Variants in RANBP17 observed in about 807,000 individuals in gnomAD.
RANBP17 encodes ran-binding protein 17.
Under a neutral mutation model 141.2 loss-of-function variants are expected in RANBP17, and 158 were observed. The ratio of observed to expected loss-of-function variants is 1.12; its 90% CI spans 0.98 to 1.28. RANBP17 has a LOEUF of 1.28. RANBP17 is among the 50% of genes most tolerant of loss of function. RANBP17 has a pLI of 0.00. For missense variants in RANBP17, 1,438 were observed against 1,290.7 expected, an observed-to-expected ratio of 1.11 and a Z score of -1.75; for synonymous variants, 430 against 450.0, an observed-to-expected ratio of 0.96 and a Z score of 0.56.
Position 171,015,437 on chromosome 5 carries a change from A to G in RANBP17, c.1710+47060A>G, listed in dbSNP as rs975606984. Among the ~76,000 whole-genome samples the G allele has an allele frequency of 7.2e-5, 11 of 152,124 alleles. No individual in the cohort carries two copies. The East Asian group carries it at 1.9e-3, about 27-fold the overall frequency. On this transcript the variant is annotated intron_variant, in intron 14 of 27. Transcript: ENST00000523189. ...ATCTCTTATTAATCATATCCAGTCT[A>G]TTTTTTAAAATCTCAGACATTGTGT...
chr5:171,156,790 C>CT (rs1041734732), intron 14 of RANBP17, among the ~76,000 whole-genome samples: 5 of 152,044 alleles, frequency 3.3e-5, no homozygotes, highest in African/African-American at 7.2e-5. Flanking sequence ...GAAAAAAAGT[C>CT]TTTTTTTAAA....
chr5:171,221,245 G>A (rs1367075456), intron 21 of RANBP17, among the ~76,000 whole-genome samples: 1 of 152,194 alleles, frequency 6.6e-6, no homozygotes, highest in Non-Finnish European at 1.5e-5. Context: ...AAACTGTAAT[G>A]TGTTTGAAAT....
At chr5:171,027,903 T>G (rs1781320460) in intron 14 of RANBP17, among the ~76,000 whole-genome samples, 1 of 152,102 alleles carries the variant, frequency 6.6e-6, no homozygotes, top group African/African-American at 2.4e-5. Flanking sequence ...ATTGAACTTT[T>G]GCAACCAGTT....
At chr5:171,049,674 A>G (rs1782827912) in intron 14 of RANBP17, among the ~76,000 whole-genome samples, 3 of 152,164 alleles carry the variant, frequency 2.0e-5, no homozygotes, top group South Asian at 2.1e-4. Context: ...TCCAGTTTCA[A>G]TCCTCTGCAT....
At chr5:170,919,336 A>G (rs1054807319) in intron 10 of RANBP17, 105 bp from the exon 11 acceptor site, 9 of 820,020 alleles carry the variant, frequency 1.1e-5, no homozygotes, top group Middle Eastern at 3.1e-4. Flanking sequence ...TTTTATAGTA[A>G]GAATAAAAGT....
At chr5:170,961,875 A>G (rs556123659) in intron 13 of RANBP17, among the ~76,000 whole-genome samples, 1 of 152,312 alleles carries the variant, frequency 6.6e-6, no homozygotes, top group East Asian at 1.9e-4. Flanking sequence ...CCTTCCCATA[A>G]TAAAGTGCTT....
At chr5:171,135,656 C>A (rs912225304) in intron 14 of RANBP17, among the ~76,000 whole-genome samples, 2 of 152,186 alleles carry the variant, frequency 1.3e-5, no homozygotes, top group African/African-American at 4.8e-5. Context: ...AGTTACAAGT[C>A]TTCCTTTGTC....
chr5:171,133,854 G>T (rs976317125), intron 14 of RANBP17, among the ~76,000 whole-genome samples: 3 of 152,184 alleles, frequency 2.0e-5, no homozygotes, highest in Admixed American at 1.3e-4. Flanking sequence ...GCTGTGCATT[G>T]TAATGCATCA....
At chr5:170,922,810 C>T (rs892839361) in intron 11 of RANBP17, among the ~76,000 whole-genome samples, 1 of 152,034 alleles carries the variant, frequency 6.6e-6, no homozygotes, top group Non-Finnish European at 1.5e-5. Context: ...TTCAGCTTGC[C>T]CTCCGTGGGC....
chr5:171,280,381 G>A (rs1017227539), intron 25 of RANBP17, among the ~76,000 whole-genome samples: 8 of 152,078 alleles, frequency 5.3e-5, no homozygotes, highest in African/African-American at 4.8e-5. Flanking sequence ...AGGCTCAAAC[G>A]ATCCTCTCAC....
intron 12 of RANBP17, among the ~76,000 whole-genome samples, chr5:170,937,324 AT>A (rs931131348): frequency 6.6e-6 from 1 of 151,840 alleles, no homozygotes; most frequent in Non-Finnish European, 1.5e-5. Context: ...TTTAGGGCAG[AT>A]TTTTTTTACC....
At chr5:171,257,343 A>G (rs181473924) in intron 24 of RANBP17, among the ~76,000 whole-genome samples, 1 of 152,340 alleles carries the variant, frequency 6.6e-6, no homozygotes, top group Admixed American at 6.5e-5. Flanking sequence ...CAGAAAAACC[A>G]TTTGATAAAA....
chr5:171,043,059 CAGTTTATACTGTGCAAATAT>C (rs1581475126), intron 14 of RANBP17, among the ~76,000 whole-genome samples: 2 of 152,198 alleles, frequency 1.3e-5, no homozygotes, highest in African/African-American at 4.8e-5. Flanking sequence ...TGTACTTAAA[CAGTTTATACTGTGCAAATAT>C]TGACCTGTAT....
At chr5:170,897,457 A>C in intron 5 of RANBP17, 2 of 374,706 alleles carry the variant, frequency 5.3e-6, no homozygotes, top group South Asian at 4.4e-5. Flanking sequence ...TGCAGAATGT[A>C]CAGGTTTGTT....
At chr5:171,015,944 T>C (rs758963574) in intron 14 of RANBP17, among the ~76,000 whole-genome samples, 1 of 152,138 alleles carries the variant, frequency 6.6e-6, no homozygotes, top group African/African-American at 2.4e-5. Flanking sequence ...CTCTGTAACA[T>C]TGGATGCATG....
chr5:170,934,915 C>T (rs1028871747), intron 12 of RANBP17, among the ~76,000 whole-genome samples: 1 of 152,164 alleles, frequency 6.6e-6, no homozygotes, highest in Non-Finnish European at 1.5e-5. Context: ...AACTTGGTTC[C>T]ATTCTCCCTG....
intron 14 of RANBP17, among the ~76,000 whole-genome samples, chr5:171,027,558 G>C (rs1405287312): frequency 6.6e-6 from 1 of 151,866 alleles, no homozygotes; most frequent in African/African-American, 2.4e-5. Context: ...AAAAGAGGCT[G>C]TAAAGCATTT....
intron 14 of RANBP17, among the ~76,000 whole-genome samples, chr5:171,153,364 C>T (rs1257659732): frequency 6.6e-6 from 1 of 152,166 alleles, no homozygotes; most frequent in Non-Finnish European, 1.5e-5. Flanking sequence ...AGATTAGTGG[C>T]ACTCTTTTTT....
chr5:171,080,236 A>C (rs1036705416), intron 14 of RANBP17, among the ~76,000 whole-genome samples: 2 of 108,340 alleles, frequency 1.8e-5, no homozygotes, highest in Non-Finnish European at 2.0e-5. Context: ...TTACATACAC[A>C]CACACAAAAC....
Sources: gnomAD v4.1 joint callset for allele counts (sites outside exome capture counted in the v4.1 genomes callset) on GRCh38, gnomAD v4.1.1 for gene constraint, MANE v1.5 for transcripts, NCBI Gene and HGNC (gene_info 2026-07-23, HGNC 2026-07-21) for gene names.